Variants in STAC observed in about 807,000 individuals in gnomAD.
STAC encodes SH3 and cysteine rich domain.
In STAC, 43 loss-of-function variants were observed where a neutral mutation model predicts 48.8. The ratio of observed to expected loss-of-function variants is 0.88; its 90% CI spans 0.69 to 1.14. STAC has a LOEUF of 1.14. Among genes scored for constraint, STAC ranks in the 50% most tolerant of loss-of-function variants. STAC has a pLI of 0.00. For missense variants in STAC, 497 were observed against 504.0 expected (o/e 0.99, Z 0.13); for synonymous variants, 193 against 179.5 (o/e 1.07, Z -0.60).
rs554629733 is a variant in STAC, at chr3:36,476,552, G to A, written c.389-6440G>A. Among the ~76,000 whole-genome samples, 19 of 152,186 alleles carry A rather than the reference G, an allele frequency of 1.2e-4. 1 individual carries two copies. The highest frequency in any genetic ancestry group is 3.3e-4 in the Admixed American group (5 of 15,288). ...TTGAAAATGAAGCAAGGAAAGTAGG[G>A]AGGGGTTGCATGGTGGAGACCTGCT... On this transcript the variant is annotated intron_variant, in intron 2 of 10. Transcript: ENST00000273183.
chr3:36,414,633 G>C (rs896437590), intron 1 of STAC, among the ~76,000 whole-genome samples: 1 of 152,114 alleles, frequency 6.6e-6, no homozygotes, highest in East Asian at 1.9e-4. Context: ...TTCTCCTTTA[G>C]CTCGGAGAAG....
intron 1 of STAC, among the ~76,000 whole-genome samples, chr3:36,416,984 T>C (rs564847478): frequency 8.5e-5 from 13 of 152,314 alleles, no homozygotes; most frequent in African/African-American, 3.1e-4. Flanking sequence ...CTTCCCTGCA[T>C]TTTCACATTA....
intron 2 of STAC, among the ~76,000 whole-genome samples, chr3:36,453,954 T>C (rs1696771806): frequency 6.6e-6 from 1 of 152,086 alleles, no homozygotes; most frequent in Admixed American, 6.5e-5. Flanking sequence ...GGAGAACCTT[T>C]GTGTCCACAC....
At chr3:36,424,044 G>T (rs1261233568) in intron 1 of STAC, among the ~76,000 whole-genome samples, 1 of 152,118 alleles carries the variant, frequency 6.6e-6, no homozygotes, top group African/African-American at 2.4e-5. Flanking sequence ...AAAACTTGAG[G>T]ACAAGGGGCA....
At chr3:36,510,899 A>G (rs1312861360) in intron 8 of STAC, among the ~76,000 whole-genome samples, 2 of 152,066 alleles carry the variant, frequency 1.3e-5, no homozygotes, top group Non-Finnish European at 2.9e-5. Flanking sequence ...TGGCACATGT[A>G]TATCTATGTA....
intron 1 of STAC, among the ~76,000 whole-genome samples, chr3:36,397,451 TGGGC>T (rs1699877449): frequency 1.3e-5 from 2 of 152,184 alleles, no homozygotes; most frequent in African/African-American, 4.8e-5. Flanking sequence ...GCTGCCATAT[TGGGC>T]ACTATCTCTT....
intron 2 of STAC, among the ~76,000 whole-genome samples, chr3:36,462,098 C>G (rs1440003435): frequency 6.6e-6 from 1 of 152,092 alleles, no homozygotes; most frequent in Non-Finnish European, 1.5e-5. Context: ...TCAGATTGTT[C>G]ATATATTTTG....
intron 1 of STAC, among the ~76,000 whole-genome samples, chr3:36,384,486 A>T (rs1699575810): frequency 6.6e-6 from 1 of 152,188 alleles, no homozygotes; most frequent in African/African-American, 2.4e-5. Flanking sequence ...GCATACACAA[A>T]CATAAACCAT....
intron 1 of STAC, among the ~76,000 whole-genome samples, chr3:36,396,298 G>C (rs949273408): frequency 6.6e-6 from 1 of 151,618 alleles, no homozygotes; most frequent in African/African-American, 2.4e-5. Flanking sequence ...TTTTCTACTA[G>C]TTTCATTAAA....
chr3:36,437,976 T>G (rs1696201384), intron 1 of STAC, among the ~76,000 whole-genome samples: 1 of 130,672 alleles, frequency 7.7e-6, no homozygotes, highest in Non-Finnish European at 1.8e-5. Context: ...TTAGATGAGT[T>G]TGCCCGGGCT....
intron 2 of STAC, among the ~76,000 whole-genome samples, chr3:36,478,380 GC>G (rs1179922647): frequency 1.3e-5 from 2 of 151,958 alleles, no homozygotes; most frequent in Non-Finnish European, 2.9e-5. Flanking sequence ...ATTAAAAATT[GC>G]CTTTTTTACT....
Position 36,520,656 on chromosome 3 carries a change from C to T in STAC, c.921-8040C>T, listed in dbSNP as rs138968483. Among the ~76,000 whole-genome samples the T allele has an allele frequency of 1.3e-4, 20 of 152,294 alleles. No homozygotes were observed. The East Asian group carries it at 3.7e-3, about 28-fold the overall frequency. ...CAATTTGATTTAAAAATAATCTTCA[C>T]AGTCACCAGGACATCAAAATGCAAT... On this transcript the variant is annotated intron_variant, in intron 8 of 10. Coordinates refer to ENST00000273183, the MANE Select transcript of STAC (RefSeq NM_003149.3).
chr3:36,463,691 T>G (rs1697083963), intron 2 of STAC, among the ~76,000 whole-genome samples: 1 of 108,828 alleles, frequency 9.2e-6, no homozygotes, highest in African/African-American at 3.6e-5. Context: ...CAGGCCCCAG[T>G]GTGCGATGTT....
chr3:36,478,414 T>A (rs997794612), intron 2 of STAC, among the ~76,000 whole-genome samples: 1 of 152,252 alleles, frequency 6.6e-6, no homozygotes, highest in Non-Finnish European at 1.5e-5. Context: ...CATGTATCTA[T>A]AATTATTTTT....
intron 1 of STAC, among the ~76,000 whole-genome samples, chr3:36,411,920 A>G (rs1185354056): frequency 6.6e-6 from 1 of 152,172 alleles, no homozygotes; most frequent in East Asian, 1.9e-4. Flanking sequence ...TTCTCACAAT[A>G]ATATTTTGGA....
intron 4 of STAC, among the ~76,000 whole-genome samples, 183 bp downstream of exon 4, chr3:36,485,241 A>G (rs1376011805): frequency 2.0e-5 from 3 of 152,094 alleles, no homozygotes; most frequent in Non-Finnish European, 4.4e-5. Context: ...TTCTCCAGGA[A>G]TTTTCATCCT....
At chr3:36,446,018 G>T (rs956968022) in intron 2 of STAC, among the ~76,000 whole-genome samples, 1 of 152,162 alleles carries the variant, frequency 6.6e-6, no homozygotes, top group African/African-American at 2.4e-5. Flanking sequence ...ATCAATAAAA[G>T]TAGACCAGGA....
rs372350176 is a variant in STAC, at chr3:36,537,950, TA to T, written c.1111-8232del. ...TATTATTTGTGTTCTATCAAAGCTT[TA>T]AAAAAAAACAGAAAAAAATATTTTA... is the stretch of plus-strand genomic sequence containing the variant. On this transcript the variant is annotated intron_variant, in intron 10 of 10. Transcript: ENST00000273183. 3.7e-3 allele frequency among the ~76,000 whole-genome samples: 557 copies of T among 150,070 alleles called. 13 individuals are homozygous for T. In the East Asian group the frequency reaches 0.054, roughly 15 times the overall value.
chr3:36,484,253 G>T (rs1351794035), intron 3 of STAC, among the ~76,000 whole-genome samples: 2 of 152,122 alleles, frequency 1.3e-5, no homozygotes, highest in Non-Finnish European at 2.9e-5. Context: ...TAACGACAAG[G>T]GACACCACTT....
Sources: allele counts gnomAD v4.1 joint callset (sites outside exome capture counted in the v4.1 genomes callset), GRCh38; gene constraint gnomAD v4.1.1; transcripts MANE v1.5; gene names NCBI Gene and HGNC (gene_info 2026-07-23, HGNC 2026-07-21).